CHSY3: variants seen among roughly 807,000 people sequenced by gnomAD.
CHSY3 encodes the protein N-acetylgalactosaminyl-proteoglycan 3-beta-glucuronosyltransferase 3.
A neutral mutation model predicts 67.2 loss-of-function variants in CHSY3; 35 were observed. That is an observed-to-expected ratio of 0.52 (90% CI 0.40 to 0.69). The LOEUF (loss-of-function observed/expected upper bound fraction) is 0.69, where lower values mean the gene tolerates loss of function less well. Among genes scored for constraint, CHSY3 ranks in the 30% least tolerant of loss-of-function variants. The pLI is 0.00. For synonymous variants in CHSY3, 474 were observed against 434.7 expected, an observed-to-expected ratio of 1.09 and a Z score of -1.12; for missense variants, 1,069 against 1,138.5, an observed-to-expected ratio of 0.94 and a Z score of 0.88.
rs574378419 is a variant in CHSY3, at chr5:129,953,019, T to C, written c.1086+44659T>C. 1.2e-3 allele frequency among the ~76,000 whole-genome samples: 185 copies of C among 152,288 alleles called. 2 individuals carry two copies. Among genetic ancestry groups the C allele is most frequent in the African/African-American group, 4.3e-3 (179 of 41,542 alleles). ...ATTATACTTCAAGTTCTGGAATACA[T>C]GTGCAGAACGTGCAGGTTTGTTACA... On this transcript the variant is annotated intron_variant, in intron 2 of 2. Coordinates refer to ENST00000305031, the MANE Select transcript of CHSY3 (RefSeq NM_175856.5).
At chr5:130,121,441 T>C (rs1013272716) in intron 2 of CHSY3, among the ~76,000 whole-genome samples, 1 of 152,136 alleles carries the variant, frequency 6.6e-6, no homozygotes, top group African/African-American at 2.4e-5. Context: ...TTTCCATAGG[T>C]AAACATTTTT....
intron 2 of CHSY3, among the ~76,000 whole-genome samples, chr5:130,076,111 C>T (rs1364909576): frequency 1.3e-5 from 2 of 152,084 alleles, no homozygotes; most frequent in Non-Finnish European, 2.9e-5. Flanking sequence ...TGTCAATTTA[C>T]CCTGTGCCAT....
intron 2 of CHSY3, among the ~76,000 whole-genome samples, chr5:130,156,743 T>G (rs1769384534): frequency 1.3e-5 from 2 of 152,230 alleles, no homozygotes; most frequent in Admixed American, 1.3e-4. Flanking sequence ...CTAGATTGAC[T>G]ATGGGCAAGC....
chr5:129,934,167 T>A (rs1761412349), intron 2 of CHSY3, among the ~76,000 whole-genome samples: 1 of 152,160 alleles, frequency 6.6e-6, no homozygotes, highest in Non-Finnish European at 1.5e-5. Flanking sequence ...TTATAAAAAA[T>A]GATCTCAATA....
intron 2 of CHSY3, among the ~76,000 whole-genome samples, chr5:130,155,118 A>C (rs1047554710): frequency 4.6e-5 from 7 of 152,226 alleles, no homozygotes; most frequent in African/African-American, 1.7e-4. Context: ...TGAGGTCTGT[A>C]GGAGGCATTT....
At chr5:129,920,865 C>G (rs918320652) in intron 2 of CHSY3, among the ~76,000 whole-genome samples, 1 of 151,904 alleles carries the variant, frequency 6.6e-6, no homozygotes, top group Admixed American at 6.6e-5. Flanking sequence ...GTCACCCAGG[C>G]TGGAATGCAG....
intron 2 of CHSY3, among the ~76,000 whole-genome samples, chr5:129,948,018 A>T (rs771138971): frequency 3.0e-4 from 46 of 152,168 alleles, no homozygotes; most frequent in Non-Finnish European, 1.2e-4. Flanking sequence ...GCCATTTATC[A>T]TATAAATTGT....
At chr5:130,017,120 A>T (rs1326378594) in intron 2 of CHSY3, among the ~76,000 whole-genome samples, 1 of 152,158 alleles carries the variant, frequency 6.6e-6, no homozygotes, top group African/African-American at 2.4e-5. Context: ...TCTACTTTTT[A>T]AAATTAGTTT....
At chr5:130,011,136 C>A in intron 2 of CHSY3, among the ~76,000 whole-genome samples, 1 of 152,126 alleles carries the variant, frequency 6.6e-6, no homozygotes. Context: ...AAGCCAGTAT[C>A]ACTATGATAG....
intron 2 of CHSY3, among the ~76,000 whole-genome samples, chr5:130,053,066 A>G (rs1049043909): frequency 6.6e-6 from 1 of 152,162 alleles, no homozygotes; most frequent in Non-Finnish European, 1.5e-5. Flanking sequence ...AGAGGAAGGC[A>G]GTATCCTAAA....
chr5:129,923,411 A>G (rs1252501186), intron 2 of CHSY3, among the ~76,000 whole-genome samples: 1 of 151,894 alleles, frequency 6.6e-6, no homozygotes, highest in African/African-American at 2.4e-5. Flanking sequence ...TTATTCATTT[A>G]CTCAACAAAT....
chr5:130,109,216 C>T (rs1343675609), intron 2 of CHSY3, among the ~76,000 whole-genome samples: 3 of 151,738 alleles, frequency 2.0e-5, no homozygotes, highest in Non-Finnish European at 3.0e-5. Flanking sequence ...ACTTAGAAAT[C>T]TTTGTTGCTT....
intron 2 of CHSY3, among the ~76,000 whole-genome samples, chr5:129,921,514 T>A (rs1188627949): frequency 6.6e-6 from 1 of 152,202 alleles, no homozygotes; most frequent in African/African-American, 2.4e-5. Context: ...GAATTTTTCA[T>A]TTAATATTTT....
chr5:129,966,943 G>T (rs1276303644), intron 2 of CHSY3, among the ~76,000 whole-genome samples: 1 of 151,804 alleles, frequency 6.6e-6, no homozygotes, highest in Non-Finnish European at 1.5e-5. Flanking sequence ...TACTCCTTGT[G>T]TAGGGTCTCA....
At chr5:129,990,867 G>A (rs1763343010) in intron 2 of CHSY3, among the ~76,000 whole-genome samples, 1 of 152,074 alleles carries the variant, frequency 6.6e-6, no homozygotes, top group Admixed American at 6.6e-5. Flanking sequence ...TAACATGATG[G>A]TTGACAAAAG....
At chr5:130,145,387 A>G (rs777298608) in intron 2 of CHSY3, among the ~76,000 whole-genome samples, 1 of 152,206 alleles carries the variant, frequency 6.6e-6, no homozygotes, top group African/African-American at 2.4e-5. Context: ...AAAATTTGAT[A>G]TCCACATGCA....
chr5:129,936,746 A>G (rs1194075881), intron 2 of CHSY3, among the ~76,000 whole-genome samples: 2 of 152,208 alleles, frequency 1.3e-5, no homozygotes, highest in African/African-American at 4.8e-5. Flanking sequence ...GGTATAGACG[A>G]TGACAGTACA....
At chr5:130,017,964 G>A (rs1410755559) in intron 2 of CHSY3, among the ~76,000 whole-genome samples, 4 of 152,084 alleles carry the variant, frequency 2.6e-5, no homozygotes, top group Admixed American at 6.6e-5. Flanking sequence ...TAACAGACGC[G>A]TAATTCCTTT....
At chr5:129,939,976 G>A (rs56069974) in intron 2 of CHSY3, among the ~76,000 whole-genome samples, 85,424 of 151,900 alleles carry the variant, frequency 0.56, 24,084 homozygotes, top group Middle Eastern at 0.62. Context: ...TAAACAGTAT[G>A]ATTTCCATAT....
Sources: allele counts gnomAD v4.1 joint callset (sites outside exome capture counted in the v4.1 genomes callset), GRCh38; gene constraint gnomAD v4.1.1; transcripts MANE v1.5; gene names NCBI Gene and HGNC (gene_info 2026-07-23, HGNC 2026-07-21).